Variants in LDHAL6A observed in about 807,000 individuals in gnomAD.
LDHAL6A encodes the protein L-lactate dehydrogenase A-like 6A.
Under a neutral mutation model 28.2 loss-of-function variants are expected in LDHAL6A, and 19 were observed. The observed-to-expected ratio is 0.67, with a 90% CI of 0.47 to 0.99. The LOEUF is 0.99. Ranked by LOEUF, LDHAL6A falls within the 50% of genes least tolerant of loss-of-function variation. The probability of loss-of-function intolerance (pLI) is 0.00; values close to 1 mark genes in which losing one functional copy is unlikely to be tolerated. For synonymous variants in LDHAL6A, 144 were observed against 134.4 expected, an observed-to-expected ratio of 1.07 and a Z score of -0.49; for missense variants, 372 against 398.6, an observed-to-expected ratio of 0.93 and a Z score of 0.57.
intron 3 of LDHAL6A, among the ~76,000 whole-genome samples, chr11:18,474,102 C>A (rs1336035357): frequency 6.6e-6 from 1 of 152,036 alleles, no homozygotes; most frequent in Non-Finnish European, 1.5e-5. Flanking sequence ...CTTTTTGAGA[C>A]GGAGTCTTGC....
chr11:18,462,546 A>T (rs962774517), intron 1 of LDHAL6A, among the ~76,000 whole-genome samples: 3 of 151,344 alleles, frequency 2.0e-5, no homozygotes, highest in Non-Finnish European at 4.4e-5. Flanking sequence ...CTGAGGCAGG[A>T]GAATGGCGTG....
intron 2 of LDHAL6A, among the ~76,000 whole-genome samples, chr11:18,464,575 C>T (rs1007927058): frequency 4.6e-5 from 7 of 151,940 alleles, no homozygotes; most frequent in African/African-American, 1.5e-4. Context: ...ATTAGCCGGG[C>T]GTGGTGGTGC....
chr11:18,477,685 T>C lies in LDHAL6A; in HGVS notation c.776T>C (p.Leu259Ser). Residue 259 changes from leucine to serine, a missense_variant, in exon 6 of 7, where the codon TTA becomes TCA. Transcript: ENST00000280706. ...GGCATTAGCCTATCTGTAGCTGATTTAACAGAAAGTATTTTGAAGAATCTT... is the reference window on the plus strand; with the variant it reads ...GGCATTAGCCTATCTGTAGCTGATTCAACAGAAAGTATTTTGAAGAATCTT... ...SWGISLSVAD[L>S]TESILKNLRR... is the part of the protein sequence containing the mutation. 6.2e-7 allele frequency: 1 copy of C among 1,613,296 alleles called. No homozygotes were observed. Among genetic ancestry groups the C allele is most frequent in the Non-Finnish European group, 8.5e-7 (1 of 1,179,566 alleles).
intron 3 of LDHAL6A, among the ~76,000 whole-genome samples, chr11:18,471,380 T>A (rs1849254445): frequency 6.6e-6 from 1 of 151,846 alleles, no homozygotes; most frequent in African/African-American, 2.4e-5. Flanking sequence ...CAGTTAATTC[T>A]TGTATTTTCA....
At chr11:18,476,580 T>TA in intron 5 of LDHAL6A, 79 bp downstream of exon 5, 3 of 1,525,802 alleles carry the variant, frequency 2.0e-6, no homozygotes, top group Middle Eastern at 1.8e-4. Flanking sequence ...ATTAGTCCCT[T>TA]AAATATATGT....
chr11:18,469,202 G>T, intron 3 of LDHAL6A: 1 of 638,974 alleles, frequency 1.6e-6, no homozygotes, highest in South Asian at 1.8e-5. Context: ...TTCTCTAACC[G>T]TTCAGGGCAC....
rs377608686 is a variant in LDHAL6A at position 18,465,694 on chromosome 11, A to T, written c.302A>T (p.Lys101Ile). 1 of 1,614,004 alleles carries T rather than the reference A, an allele frequency of 6.2e-7. No homozygotes were observed. Among genetic ancestry groups the T allele is most frequent in the African/African-American group, 1.3e-5 (1 of 74,926 alleles). ...LVIITAGARQ[K>I]KGETRLDLVQ... ...ATTATCACAGCAGGTGCACGCCAGA[A>T]AAAAGGAGAAACACGCCTTGATTTA... The change falls in exon 3 of 7, where the codon AAA becomes ATA. Residue 101 changes from lysine to isoleucine, a missense_variant. Transcript: ENST00000280706.
At chr11:18,476,043 T>C (rs1476191974) in intron 4 of LDHAL6A, among the ~76,000 whole-genome samples, 1 of 152,110 alleles carries the variant, frequency 6.6e-6, no homozygotes, top group African/African-American at 2.4e-5. Flanking sequence ...GTAATAGCAG[T>C]CTTTTTGTCC....
intron 3 of LDHAL6A, among the ~76,000 whole-genome samples, chr11:18,471,559 T>C (rs1370039707): frequency 6.6e-6 from 1 of 152,084 alleles, no homozygotes; most frequent in African/African-American, 2.4e-5. Context: ...TATTTTAATA[T>C]AGCATTTTAG....
At chr11:18,458,958 C>G (rs948834478) in intron 1 of LDHAL6A, among the ~76,000 whole-genome samples, 15 of 152,104 alleles carry the variant, frequency 9.9e-5, no homozygotes, top group African/African-American at 3.6e-4. Context: ...AAAGGGAGTC[C>G]AGAGAGATTG....
At chr11:18,456,855 G>C (rs1166998418) in intron 1 of LDHAL6A, 49 bp downstream of exon 1, 2 of 1,580,420 alleles carry the variant, frequency 1.3e-6, no homozygotes, top group East Asian at 4.5e-5. Flanking sequence ...TGGAGGCGAG[G>C]CCACAGCGTA....
At chr11:18,463,900 T>A (rs1271852061) in intron 1 of LDHAL6A, 61 bp from the exon 2 acceptor site, 1 of 1,060,826 alleles carries the variant, frequency 9.4e-7, no homozygotes, top group Non-Finnish European at 1.5e-6. Flanking sequence ...AAGAATTTTC[T>A]TTCATTCTCC....
At chr11:18,476,051 T>TC (rs903058879) in intron 4 of LDHAL6A, among the ~76,000 whole-genome samples, 6 of 152,094 alleles carry the variant, frequency 3.9e-5, no homozygotes, top group African/African-American at 1.4e-4. Context: ...AGTCTTTTTG[T>TC]CCCCCCTTAG....
At position 18,467,964 on chromosome 11, in the gene LDHAL6A, TATACGTATATATATACGTATATATATGC is replaced by T. The variant is rs1849138548; in HGVS notation, c.418+2158_418+2185del. The stretch of plus-strand genomic sequence containing the variant: ...ACACACATATATATATACGTATATA[TATACGTATATATATACGTATATATATGC>T]ATATATATACGTATATATATACATA... On this transcript the variant is annotated intron_variant, in intron 3 of 6. Coordinates refer to ENST00000280706, the MANE Select transcript of LDHAL6A (RefSeq NM_144972.5). Among the ~76,000 whole-genome samples, 5 of 19,614 alleles carry T rather than the reference TATACGTATATATATACGTATATATATGC, an allele frequency of 2.5e-4. 1 individual carries two copies. Among genetic ancestry groups the T allele is most frequent in the African/African-American group, 5.9e-4 (5 of 8,410 alleles). 12.9% of individuals were successfully genotyped at this position (19,614 alleles called of 152,430 possible).
intron 1 of LDHAL6A, among the ~76,000 whole-genome samples, chr11:18,462,425 CAGG>C (rs1317180257): frequency 6.6e-6 from 1 of 151,754 alleles, no homozygotes; most frequent in Non-Finnish European, 1.5e-5. Flanking sequence ...ATCACTAGGT[CAGG>C]AGATCAAGAC....
chr11:18,458,269 C>T (rs1848808506), intron 1 of LDHAL6A, among the ~76,000 whole-genome samples: 1 of 152,124 alleles, frequency 6.6e-6, no homozygotes, highest in African/African-American at 2.4e-5. Flanking sequence ...TACAGAAGGG[C>T]AGGAGTGCAT....
rs185793286 is a variant in LDHAL6A at position 18,469,466 on chromosome 11, A to G, written c.418+3656A>G. On this transcript the variant is annotated intron_variant, in intron 3 of 6. Transcript: ENST00000280706. ...CTATGCATTATGGCAGAAGTCTATT[A>G]AAGAATATTTAATTTATTGACTAAT... 2.3e-3 allele frequency among the ~76,000 whole-genome samples: 352 copies of G among 152,342 alleles called. 3 individuals carry two copies. Among genetic ancestry groups the G allele is most frequent in the Non-Finnish European group, 1.5e-3 (104 of 68,026 alleles).
At position 18,467,944 on chromosome 11, in the gene LDHAL6A, CATAT is replaced by C. The variant is rs36151265; in HGVS notation, c.418+2142_418+2145del. ...ACACACACATATATATATACACACA[CATAT>C]ATATATACGTATATATATACGTATA... On this transcript the variant is annotated intron_variant, in intron 3 of 6. Coordinates refer to ENST00000280706, the MANE Select transcript of LDHAL6A (RefSeq NM_144972.5). 1.6e-4 allele frequency among the ~76,000 whole-genome samples: 9 copies of C among 56,738 alleles called. 1 individual carries two copies. The highest frequency in any genetic ancestry group is 6.1e-4 in the African/African-American group (7 of 11,478). 37.2% of individuals were successfully genotyped at this position (56,738 alleles called of 152,430 possible).
rs534735954 is a variant in LDHAL6A, at chr11:18,476,441, A to G, written c.650A>G (p.Asp217Gly). ...AGVPLKDLNPDIGTDKDPEQW... is the reference protein window; with the variant it reads ...AGVPLKDLNPGIGTDKDPEQW... ...GTCCCTCTGAAGGATCTGAACCCAG[A>G]TATAGGAACTGATAAAGATCCTGAG... The change falls in exon 5 of 7, where the codon GAT (aspartate) becomes GGT (glycine). Residue 217 changes from aspartate to glycine, a missense_variant. Asp to Gly is a moderately conservative substitution (Grantham distance 94). Transcript: ENST00000280706. 280 of 1,614,178 alleles carry G rather than the reference A, an allele frequency of 1.7e-4. 5 individuals carry two copies. In the South Asian group the frequency reaches 2.9e-3, roughly 17 times the overall value.
Sources: gnomAD v4.1 joint callset for allele counts (sites outside exome capture counted in the v4.1 genomes callset) on GRCh38, gnomAD v4.1.1 for gene constraint, MANE v1.5 for transcripts, NCBI Gene and HGNC (gene_info 2026-07-23, HGNC 2026-07-21) for gene names.